TBC1D19: variants seen among roughly 807,000 people sequenced by gnomAD.
TBC1D19 encodes the protein TBC1 domain family member 19.
TBC1D19 carries 60 observed loss-of-function variants against 89.0 expected under a neutral mutation model. The observed-to-expected ratio is 0.67, with a 90% CI of 0.55 to 0.84. The LOEUF (loss-of-function observed/expected upper bound fraction) is 0.84, where lower values mean the gene tolerates loss of function less well. Ranked by LOEUF, TBC1D19 falls within the 40% of genes least tolerant of loss-of-function variation. TBC1D19 has a pLI of 0.00. For missense variants in TBC1D19, 500 were observed against 610.8 expected, an observed-to-expected ratio of 0.82 and a Z score of 1.91; for synonymous variants, 189 against 199.7, an observed-to-expected ratio of 0.95 and a Z score of 0.45.
intron 11 of TBC1D19, among the ~76,000 whole-genome samples, chr4:26,678,028 G>A (rs915678947): frequency 6.6e-6 from 1 of 152,156 alleles, no homozygotes; most frequent in South Asian, 2.1e-4. Flanking sequence ...ATGTGGAAGC[G>A]ACTTTGGAAC....
intron 13 of TBC1D19, among the ~76,000 whole-genome samples, chr4:26,698,285 C>T (rs1323344131): frequency 6.6e-5 from 10 of 152,104 alleles, no homozygotes. Flanking sequence ...GAATAAAATA[C>T]CTAGGAATCC....
intron 4 of TBC1D19, among the ~76,000 whole-genome samples, chr4:26,630,774 C>G (rs1000762579): frequency 1.3e-5 from 2 of 151,790 alleles, no homozygotes; most frequent in African/African-American, 4.8e-5. Flanking sequence ...CTGCTCCTTA[C>G]TACATTTACT....
chr4:26,700,830 C>T (rs541366373), intron 13 of TBC1D19, among the ~76,000 whole-genome samples: 20 of 152,250 alleles, frequency 1.3e-4, no homozygotes, highest in Admixed American at 7.8e-4. Flanking sequence ...CTATTTTTCT[C>T]TCTTGCTGAA....
chr4:26,829,859 A>T, the TBC1D19 span, among the ~76,000 whole-genome samples: 1 of 152,176 alleles, frequency 6.6e-6, no homozygotes, highest in Non-Finnish European at 1.5e-5. Context: ...TCCCGGAATG[A>T]CTTTAGTAAG....
rs1560422709 is a variant in TBC1D19 at position 26,620,696 on chromosome 4, ATTG to A, written c.294+11_294+13del. 1 of 1,612,154 alleles carries A rather than the reference ATTG, an allele frequency of 6.2e-7. No homozygotes were observed. On this transcript the variant is annotated intron_variant, in intron 4 of 20. Transcript: ENST00000264866. ...TACATGAGGAAAGCACAGGTTGGCT[ATTG>A]TTCAATTTCATTTTATTTTTTCATG... is the stretch of plus-strand genomic sequence containing the variant.
chr4:26,822,533 A>G, the TBC1D19 span, among the ~76,000 whole-genome samples: 1 of 152,124 alleles, frequency 6.6e-6, no homozygotes, highest in African/African-American at 2.4e-5. Flanking sequence ...TTTTTTTGAA[A>G]AATCCTGTTT....
the TBC1D19 span, among the ~76,000 whole-genome samples, chr4:26,848,383 C>G: frequency 6.6e-6 from 1 of 152,198 alleles, no homozygotes; most frequent in African/African-American, 2.4e-5. Context: ...CAATTTCTTA[C>G]ACTAAATCTC....
chr4:26,605,618 G>A (rs1014630105), intron 1 of TBC1D19, among the ~76,000 whole-genome samples: 43 of 151,130 alleles, frequency 2.8e-4, no homozygotes, highest in Non-Finnish European at 3.6e-4. Context: ...AGATCCCTGA[G>A]GAATCGCCAC....
At chr4:26,679,319 A>C (rs1560467008) in intron 11 of TBC1D19, among the ~76,000 whole-genome samples, 1 of 152,298 alleles carries the variant, frequency 6.6e-6, no homozygotes, top group East Asian at 1.9e-4. Context: ...CATGACTAAA[A>C]GGGGCCAAGA....
upstream of TBC1D19, among the ~76,000 whole-genome samples, chr4:26,580,800 T>C (rs1206629864): frequency 2.6e-5 from 4 of 152,188 alleles, no homozygotes; most frequent in East Asian, 5.8e-4. Flanking sequence ...TTGAAGGGTG[T>C]TTCAATTTTG....
chr4:26,710,998 G>C (rs887781753), intron 13 of TBC1D19, among the ~76,000 whole-genome samples: 1 of 151,906 alleles, frequency 6.6e-6, no homozygotes, highest in African/African-American at 2.4e-5. Flanking sequence ...CTCTGATGGT[G>C]GTTTCTTTTG....
intron 1 of TBC1D19, among the ~76,000 whole-genome samples, chr4:26,586,270 C>T (rs1739412883): frequency 6.8e-6 from 1 of 146,656 alleles, no homozygotes; most frequent in Non-Finnish European, 1.5e-5. Context: ...GCACCTTTGT[C>T]GAAAATCAAT....
In TBC1D19 at chr4:26,613,286, T is replaced by G. The variant is rs1560417723; in HGVS notation, c.172+45T>G. 6.6e-6 allele frequency: 8 copies of G among 1,219,534 alleles called. No homozygotes were observed. In the East Asian group the frequency reaches 2.0e-4, roughly 30 times the overall value. 75.5% of individuals were successfully genotyped at this position (1,219,534 alleles called of 1,614,324 possible). On this transcript the variant is annotated intron_variant, in intron 2 of 20. Transcript: ENST00000264866. ...TAACTTAAGGCAAAATAAGAAAATG[T>G]TTTATTTATTCCTAATTCTTTAAGC...
intron 4 of TBC1D19, 106 bp from the exon 5 acceptor site, chr4:26,637,105 T>C: frequency 1.3e-6 from 1 of 786,014 alleles, no homozygotes. Flanking sequence ...GGATAACCAA[T>C]CTCAACCAGC....
chr4:26,843,287 C>G, the TBC1D19 span, among the ~76,000 whole-genome samples: 1 of 152,140 alleles, frequency 6.6e-6, no homozygotes, highest in African/African-American at 2.4e-5. Flanking sequence ...ATGTCACATC[C>G]AAGTAAATCT....
At chr4:26,587,181 T>C (rs1739467148) in intron 1 of TBC1D19, among the ~76,000 whole-genome samples, 1 of 152,230 alleles carries the variant, frequency 6.6e-6, no homozygotes. Context: ...TTTGTATTCC[T>C]GAGATAAATT....
the TBC1D19 span, among the ~76,000 whole-genome samples, chr4:26,791,069 C>G: frequency 2.0e-5 from 3 of 152,088 alleles, no homozygotes; most frequent in East Asian, 5.8e-4. Flanking sequence ...TCCTAGTTTT[C>G]TCTGCATCCT....
chr4:26,801,233 C>G, the TBC1D19 span, among the ~76,000 whole-genome samples: 3 of 152,018 alleles, frequency 2.0e-5, no homozygotes, highest in South Asian at 2.1e-4. Context: ...TATGGCTAGC[C>G]AGTTTTCCCA....
At chr4:26,817,125 C>T in the TBC1D19 span, among the ~76,000 whole-genome samples, 1 of 152,116 alleles carries the variant, frequency 6.6e-6, no homozygotes, top group African/African-American at 2.4e-5. Flanking sequence ...TGTCTTTGAC[C>T]TTTCTGTTAA....
Sources: gnomAD v4.1 joint callset for allele counts (sites outside exome capture counted in the v4.1 genomes callset) on GRCh38, gnomAD v4.1.1 for gene constraint, MANE v1.5 for transcripts, NCBI Gene and HGNC (gene_info 2026-07-23, HGNC 2026-07-21) for gene names.